C17orf67: variants seen among roughly 807,000 people sequenced by gnomAD.
The protein encoded by C17orf67 is uncharacterized protein C17orf67.
In C17orf67, 12 loss-of-function variants were observed where a neutral mutation model predicts 11.2. The observed-to-expected ratio is 1.07, with a 90% CI of 0.68 to 1.73. The LOEUF (loss-of-function observed/expected upper bound fraction) is 1.73. Ranked by LOEUF, C17orf67 falls within the 40% of genes most tolerant of loss-of-function variation. C17orf67 has a pLI of 0.00. For synonymous variants in C17orf67, 59 were observed against 46.9 expected (o/e 1.26, Z -1.05); for missense variants, 115 against 113.5 (o/e 1.01, Z -0.06).
At position 56,820,651 on chromosome 17, in the gene C17orf67, T is replaced by TTATTTGAG. The variant is rs1905878369; in HGVS notation, c.-201+4080_-201+4087dup. Among the ~76,000 whole-genome samples, 2 of 152,150 alleles carry TTATTTGAG rather than the reference T, an allele frequency of 1.3e-5. 1 individual carries two copies. The highest frequency in any genetic ancestry group is 4.1e-4 in the South Asian group (2 of 4,824). ...TGAAACAACGTTGAAGGAAACAATG[T>TTATTTGAG]TATTTGAGGACCTGTTGTGTTAACT... On this transcript the variant is annotated intron_variant, in intron 4 of 7. Coordinates refer to ENST00000397861, the MANE Select transcript of C17orf67 (RefSeq NM_001085430.4).
At chr17:56,799,820 T>C (rs1312944161) in intron 6 of C17orf67, among the ~76,000 whole-genome samples, 3 of 152,224 alleles carry the variant, frequency 2.0e-5, no homozygotes, top group African/African-American at 7.2e-5. Context: ...TCCCTAATGA[T>C]GTACGATGTT....
chr17:56,795,132 A>C lies in C17orf67; in HGVS notation c.205T>G (p.Phe69Val), dbSNP rs1014016587. 5.6e-6 allele frequency: 9 copies of C among 1,614,034 alleles called. No homozygotes were observed. Among genetic ancestry groups the C allele is most frequent in the Admixed American group, 1.7e-5 (1 of 60,004 alleles). ...LALEHRAEEQ[F>V]LEHWLNPHCK... ...TGAGGGTTCAGCCAGTGCTCCAGGA[A>C]CTGCTCCTCAGCGCGATGCTCCAGG... The change falls in exon 7 of 8, where the codon TTC (phenylalanine) becomes GTC (valine). Residue 69 changes from phenylalanine (F) to valine (V), a missense_variant. Phe to Val is a conservative substitution (Grantham distance 50). Coordinates refer to ENST00000397861, the MANE Select transcript of C17orf67 (RefSeq NM_001085430.4).
At chr17:56,808,404 C>T (rs1905508141) in intron 6 of C17orf67, among the ~76,000 whole-genome samples, 3 of 152,150 alleles carry the variant, frequency 2.0e-5, no homozygotes, top group Non-Finnish European at 4.4e-5. Flanking sequence ...GTTCTACCTT[C>T]CCACCTTTCT....
At chr17:56,830,511 A>G (rs1598003725) in intron 2 of C17orf67, among the ~76,000 whole-genome samples, 1 of 152,264 alleles carries the variant, frequency 6.6e-6, no homozygotes, top group Non-Finnish European at 1.5e-5. Flanking sequence ...TTATTTCACT[A>G]CAAGAGTGAT....
At chr17:56,831,428 A>C (rs1011902639) in intron 2 of C17orf67, among the ~76,000 whole-genome samples, 2 of 152,128 alleles carry the variant, frequency 1.3e-5, no homozygotes, top group African/African-American at 4.8e-5. Flanking sequence ...TTGGGAGGAG[A>C]CTTGGGAACA....
intron 6 of C17orf67, among the ~76,000 whole-genome samples, chr17:56,796,489 T>C (rs1266612360): frequency 6.6e-6 from 1 of 152,182 alleles, no homozygotes; most frequent in African/African-American, 2.4e-5. Context: ...TCTGTTCATA[T>C]GAAAGGTGGC....
At chr17:56,824,059 T>C (rs966777418) in intron 4 of C17orf67, among the ~76,000 whole-genome samples, 12 of 152,194 alleles carry the variant, frequency 7.9e-5, no homozygotes, top group Admixed American at 4.6e-4. Context: ...ATGTTGAAAT[T>C]TTATTGCCAC....
chr17:56,832,576 T>TC, intron 2 of C17orf67, among the ~76,000 whole-genome samples: 2 of 152,224 alleles, frequency 1.3e-5, no homozygotes, highest in East Asian at 3.9e-4. Context: ...GGACCCTGAC[T>TC]CCCATAACAG....
intron 6 of C17orf67, chr17:56,803,805 G>T (rs572318474): frequency 6.6e-6 from 1 of 152,212 alleles, no homozygotes; most frequent in South Asian, 2.1e-4. Context: ...AACCAAAACA[G>T]ACACACACTG....
intron 7 of C17orf67, 76 bp from the exon 8 acceptor site, chr17:56,792,428 T>TGGTGATG (rs1905119834): frequency 6.6e-6 from 1 of 151,740 alleles, no homozygotes; most frequent in African/African-American, 2.4e-5. Flanking sequence ...GTGATGATGG[T>TGGTGATG]GTGGCAGTGA....
chr17:56,828,144 G>A (rs372155980), intron 2 of C17orf67, among the ~76,000 whole-genome samples: 3 of 147,048 alleles, frequency 2.0e-5, no homozygotes, highest in Admixed American at 6.8e-5. Flanking sequence ...GGCGGCTCAC[G>A]CTTGTAATCC....
At chr17:56,795,431 A>C (rs1905194557) in intron 6 of C17orf67, 1 of 500,282 alleles carries the variant, frequency 2.0e-6, no homozygotes. Context: ...TGGGACAACA[A>C]CTTCAGAAAA....
chr17:56,803,719 G>A (rs751686737), intron 6 of C17orf67: 1 of 152,096 alleles, frequency 6.6e-6, no homozygotes, highest in African/African-American at 2.4e-5. Flanking sequence ...TAGGCCAAAT[G>A]TACATTAAAA....
chr17:56,798,665 C>T (rs1215997736), intron 6 of C17orf67, among the ~76,000 whole-genome samples: 2 of 43,594 alleles, frequency 4.6e-5, no homozygotes. Flanking sequence ...CTGTCTCTAC[C>T]AAAAATACAA....
At position 56,795,039 on chromosome 17, in the gene C17orf67, C is replaced by CGTACCGAGGCT. The variant is rs759440303; in HGVS notation, c.*14_*20+4dup. On this transcript the variant is annotated splice_donor_region_variant and intron_variant, in intron 7 of 7. Transcript: ENST00000397861. ...CAGAGGTCCGGGAGAGAGAAGGAGA[C>CGTACCGAGGCT]GTACCGAGGCTGGTCCTGATCCCCT... The CGTACCGAGGCT allele has an allele frequency of 1.7e-5, 27 of 1,581,162 alleles. No homozygotes were observed. The highest frequency in any genetic ancestry group is 2.1e-5 in the Non-Finnish European group (24 of 1,150,660).
At chr17:56,829,151 C>T (rs2144154647) in intron 2 of C17orf67, among the ~76,000 whole-genome samples, 1 of 152,224 alleles carries the variant, frequency 6.6e-6, no homozygotes, top group African/African-American at 2.4e-5. Flanking sequence ...TGGCGGGCGC[C>T]TGTAATCCCA....
intron 2 of C17orf67, among the ~76,000 whole-genome samples, chr17:56,829,448 A>T (rs12600529): frequency 6.6e-6 from 1 of 152,032 alleles, no homozygotes; most frequent in South Asian, 2.1e-4. Context: ...GAGTCACCCC[A>T]TCACAAGGAG....
At position 56,824,010 on chromosome 17, in the gene C17orf67, T is replaced by C. The variant is rs115038532; in HGVS notation, c.-201+729A>G. On this transcript the variant is annotated intron_variant, in intron 4 of 7. Coordinates refer to ENST00000397861, the MANE Select transcript of C17orf67 (RefSeq NM_001085430.4). ...TACAAAAGCTTATTTGTACTTTATC[T>C]TAATGACTGCTATGATTGGAGTGCC... is the stretch of plus-strand genomic sequence containing the variant. Among the ~76,000 whole-genome samples the C allele has an allele frequency of 9.1e-3, 1,382 of 152,350 alleles. 16 individuals carry two copies. The highest frequency in any genetic ancestry group is 0.021 in the African/African-American group (892 of 41,574).
At chr17:56,797,412 C>T (rs1164433040) in intron 6 of C17orf67, among the ~76,000 whole-genome samples, 4 of 152,172 alleles carry the variant, frequency 2.6e-5, no homozygotes, top group Non-Finnish European at 5.9e-5. Flanking sequence ...ACAGCCCATC[C>T]TCTCCCTCCT....
Sources: allele counts gnomAD v4.1 joint callset (sites outside exome capture counted in the v4.1 genomes callset), GRCh38; gene constraint gnomAD v4.1.1; transcripts MANE v1.5; gene names NCBI Gene and HGNC (gene_info 2026-07-23, HGNC 2026-07-21).